Variants in PSMF1 observed in about 807,000 individuals in gnomAD.
The protein encoded by PSMF1 is proteasome inhibitor subunit 1.
Under a neutral mutation model 29.3 loss-of-function variants are expected in PSMF1, and 30 were observed. The ratio of observed to expected loss-of-function variants is 1.02; its 90% CI spans 0.77 to 1.39. PSMF1 has a LOEUF of 1.39. Ranked by LOEUF, PSMF1 falls within the 40% of genes most tolerant of loss-of-function variation. The pLI is 0.00. For synonymous variants in PSMF1, 134 were observed against 139.7 expected (o/e 0.96, Z 0.29); for missense variants, 344 against 357.5 (o/e 0.96, Z 0.31).
chr20:1,124,081 A>G (rs1247987591), intron 1 of PSMF1, among the ~76,000 whole-genome samples: 1 of 152,182 alleles, frequency 6.6e-6, no homozygotes, highest in Admixed American at 6.5e-5. Context: ...CTTTGCAGCC[A>G]TGGCAAATGT....
chr20:1,133,569 A>ATATATATATATATATT lies in PSMF1; in HGVS notation c.366-1551_366-1550insATATATATATATATTT. Among the ~76,000 whole-genome samples, 31 of 53,300 alleles carry ATATATATATATATATT rather than the reference A, an allele frequency of 5.8e-4. 1 individual carries two copies. The highest frequency in any genetic ancestry group is 1.3e-3 in the African/African-American group (23 of 17,830). The allele number at this position is 53,300 out of a possible 152,430, so 35.0% of individuals were successfully genotyped here. On this transcript the variant is annotated intron_variant, in intron 3 of 6. Transcript: ENST00000335877. ...TCTATATATGTGTATATATATATAT[A>ATATATATATATATATT]TTTTTTTTTTTTTTTTGGTGTAGTC...
rs766761621 is a variant in PSMF1, at chr20:1,135,181, C to A, written c.426C>A (p.Ile142=). The A allele has an allele frequency of 4.3e-6, 7 of 1,614,054 alleles. No individual in the cohort carries two copies. The highest frequency in any genetic ancestry group is 5.1e-6 in the Non-Finnish European group (6 of 1,180,030). Residue 142 remains isoleucine (I), a synonymous_variant, in exon 4 of 7, where the codon ATC becomes ATA. Transcript: ENST00000335877. ...SRIVSGIITP[I]HEQWEKANVS... is the part of the protein sequence containing the mutation. Reference sequence around the variant, plus strand: ...TTGTGTCTGGAATCATCACACCTATCCATGAGCAGTGGGAAAAGGCTAATG... The same window carrying A: ...TTGTGTCTGGAATCATCACACCTATACATGAGCAGTGGGAAAAGGCTAATG...
chr20:1,117,636 A>T (rs1379672634), upstream of PSMF1, among the ~76,000 whole-genome samples: 6 of 152,060 alleles, frequency 3.9e-5, no homozygotes, highest in African/African-American at 1.4e-4. Flanking sequence ...GAGCCGCCAC[A>T]CCTGGCCGAT....
At chr20:1,130,432 T>C (rs999836622) in intron 3 of PSMF1, among the ~76,000 whole-genome samples, 3 of 152,184 alleles carry the variant, frequency 2.0e-5, no homozygotes, top group African/African-American at 7.2e-5. Flanking sequence ...AATCTCACCT[T>C]GTACTGCCTT....
chr20:1,133,567 A>ATG (rs1568469022), intron 3 of PSMF1, among the ~76,000 whole-genome samples: 840 of 39,474 alleles, frequency 0.021, 29 homozygotes, highest in African/African-American at 0.058. Flanking sequence ...ATATATATAT[A>ATG]TATTTTTTTT....
intron 4 of PSMF1, among the ~76,000 whole-genome samples, chr20:1,148,873 A>C (rs960775820): frequency 6.6e-6 from 1 of 152,224 alleles, no homozygotes; most frequent in African/African-American, 2.4e-5. Context: ...GAGAGCTCTT[A>C]TATGGGTTAT....
chr20:1,157,858 C>A (rs928111044), intron 4 of PSMF1, among the ~76,000 whole-genome samples: 1 of 151,172 alleles, frequency 6.6e-6, no homozygotes, highest in Admixed American at 6.6e-5. Context: ...GTTGTAGTTT[C>A]TCATTGATCT....
At chr20:1,157,679 C>T (rs2086611739) in intron 4 of PSMF1, among the ~76,000 whole-genome samples, 2 of 151,924 alleles carry the variant, frequency 1.3e-5, no homozygotes, top group African/African-American at 4.8e-5. Flanking sequence ...GTCACGTGGT[C>T]GTAGCTGGTA....
At chr20:1,135,018 G>A in intron 3 of PSMF1, 103 bp from the exon 4 acceptor site, 2 of 1,158,680 alleles carry the variant, frequency 1.7e-6, no homozygotes, top group Non-Finnish European at 2.6e-6. Flanking sequence ...CGCAATGCCA[G>A]GAGCTATCAG....
In PSMF1 at chr20:1,161,680, C is replaced by A; in HGVS notation, c.552-1450C>A. ...ATGACAAGTCGGGCCCCTCCATGTC[C>A]ACCACAAATGCTTCTAAATGGACTA... On this transcript the variant is annotated intron_variant, in intron 4 of 6. Transcript: ENST00000335877. 10 of 657,722 alleles carry A rather than the reference C, an allele frequency of 1.5e-5. No individual in the cohort carries two copies. The South Asian group carries it at 1.6e-4, about 11-fold the overall frequency. 40.7% of individuals were successfully genotyped at this position (657,722 alleles called of 1,614,324 possible). A position where few individuals can be genotyped will look rare whatever the true frequency, so the allele number is the denominator to read the frequency against.
upstream of PSMF1, among the ~76,000 whole-genome samples, chr20:1,115,972 C>T (rs2086007906): frequency 6.6e-6 from 1 of 151,850 alleles, no homozygotes; most frequent in Non-Finnish European, 1.5e-5. Context: ...ACCTCGTGAT[C>T]CACCTGCCTC....
chr20:1,151,516 C>T (rs139775826), intron 4 of PSMF1, among the ~76,000 whole-genome samples: 5 of 152,288 alleles, frequency 3.3e-5, no homozygotes, highest in Middle Eastern at 3.4e-3. Context: ...TGCCCTGGGT[C>T]ACACATCTGT....
At chr20:1,161,397 G>C in intron 4 of PSMF1, 1 of 375,188 alleles carries the variant, frequency 2.7e-6, no homozygotes, top group East Asian at 5.7e-5. Context: ...CAGCATCCAT[G>C]AGACCACCTT....
chr20:1,127,208 A>G, intron 2 of PSMF1: 1 of 713,478 alleles, frequency 1.4e-6, no homozygotes, highest in Non-Finnish European at 2.5e-6. Flanking sequence ...AGAGCCTGGG[A>G]AGTAGGTGTT....
chr20:1,119,010 A>T (rs1010070393), intron 1 of PSMF1, 108 bp downstream of exon 1: 2 of 1,451,622 alleles, frequency 1.4e-6, no homozygotes, highest in Non-Finnish European at 9.4e-7. Flanking sequence ...CTCCCAGTGC[A>T]GGGTCTGGGG....
intron 3 of PSMF1, among the ~76,000 whole-genome samples, chr20:1,131,581 G>A (rs1258117644): frequency 2.0e-5 from 3 of 152,180 alleles, no homozygotes; most frequent in African/African-American, 7.2e-5. Context: ...CTGATCAGAG[G>A]CCCTGTCTCC....
intron 4 of PSMF1, among the ~76,000 whole-genome samples, chr20:1,154,822 A>G (rs571961594): frequency 6.6e-6 from 1 of 152,354 alleles, no homozygotes; most frequent in South Asian, 2.1e-4. Flanking sequence ...TGTTGATACT[A>G]GTTGTGCCAC....
intron 4 of PSMF1, among the ~76,000 whole-genome samples, chr20:1,149,189 T>C (rs1264341824): frequency 1.3e-5 from 2 of 152,238 alleles, no homozygotes; most frequent in Admixed American, 1.3e-4. Flanking sequence ...AGAGGACTAG[T>C]TTAATAACCT....
chr20:1,122,627 A>G (rs1342207748), intron 1 of PSMF1, among the ~76,000 whole-genome samples: 11 of 152,184 alleles, frequency 7.2e-5, no homozygotes, highest in African/African-American at 2.7e-4. Context: ...CATCAGAGGA[A>G]GTTAAACCAC....
Sources: allele counts gnomAD v4.1 joint callset (sites outside exome capture counted in the v4.1 genomes callset), GRCh38; gene constraint gnomAD v4.1.1; transcripts MANE v1.5; gene names NCBI Gene and HGNC (gene_info 2026-07-23, HGNC 2026-07-21).